The following VAT1L variants were observed in gnomAD, a reference collection of about 807,000 sequenced individuals.
VAT1L encodes the protein vesicle amine transport 1 like.
A neutral mutation model predicts 44.1 loss-of-function variants in VAT1L; 34 were observed. The ratio of observed to expected loss-of-function variants is 0.77; its 90% CI spans 0.59 to 1.03. The LOEUF is 1.03. Ranked by LOEUF, VAT1L falls within the 50% of genes least tolerant of loss-of-function variation. VAT1L has a pLI of 0.00. For missense variants in VAT1L, 615 were observed against 538.8 expected (o/e 1.14, Z -1.40); for synonymous variants, 253 against 202.2 (o/e 1.25, Z -2.13).
At chr16:77,808,397 A>T (rs2016201774) in intron 1 of VAT1L, among the ~76,000 whole-genome samples, 1 of 152,160 alleles carries the variant, frequency 6.6e-6, no homozygotes, top group African/African-American at 2.4e-5. Flanking sequence ...ATTTCATTAT[A>T]TATTACAATG....
chr16:77,889,564 A>G (rs1210406839), intron 7 of VAT1L, among the ~76,000 whole-genome samples: 1 of 152,216 alleles, frequency 6.6e-6, no homozygotes, highest in African/African-American at 2.4e-5. Flanking sequence ...TTTGTCAACC[A>G]AGCAGCAGTA....
At chr16:77,875,336 C>T (rs1039570214) in intron 4 of VAT1L, among the ~76,000 whole-genome samples, 1 of 152,228 alleles carries the variant, frequency 6.6e-6, no homozygotes, top group African/African-American at 2.4e-5. Flanking sequence ...CAGCTGTTAA[C>T]ACATGCTGCA....
At chr16:77,801,639 A>G (rs1018764380) in intron 1 of VAT1L, 3 of 150,462 alleles carry the variant, frequency 2.0e-5, no homozygotes, top group African/African-American at 7.4e-5. Flanking sequence ...CACTCTTCAT[A>G]CTCCTACCCC....
chr16:77,872,349 C>T (rs958284892), intron 4 of VAT1L, among the ~76,000 whole-genome samples: 3 of 152,126 alleles, frequency 2.0e-5, no homozygotes, highest in African/African-American at 7.2e-5. Context: ...TGTCCCAAAG[C>T]CTTCTCACTG....
At chr16:77,842,134 GC>G (rs1423840617) in intron 3 of VAT1L, among the ~76,000 whole-genome samples, 9 of 152,176 alleles carry the variant, frequency 5.9e-5, no homozygotes, top group Admixed American at 2.6e-4. Context: ...TGATCTGCCT[GC>G]CTTGGCCTCC....
At chr16:77,921,332 G>T (rs1212620265) in intron 7 of VAT1L, among the ~76,000 whole-genome samples, 1 of 152,144 alleles carries the variant, frequency 6.6e-6, no homozygotes, top group Admixed American at 6.5e-5. Context: ...GCACTGAGAC[G>T]TGTTGCATTA....
intron 7 of VAT1L, 128 bp from the exon 8 acceptor site, chr16:77,971,722 C>G: frequency 2.2e-6 from 2 of 911,354 alleles, no homozygotes; most frequent in South Asian, 3.4e-5. Context: ...ACAGCAACCT[C>G]TTAGCCACTA....
chr16:77,912,827 T>A (rs531527385), intron 7 of VAT1L, among the ~76,000 whole-genome samples: 1 of 152,242 alleles, frequency 6.6e-6, no homozygotes, highest in Non-Finnish European at 1.5e-5. Context: ...ACTAGCAGAT[T>A]TTGTGCTTGG....
In VAT1L at chr16:77,978,862, A is replaced by G. The variant is rs541257834; in HGVS notation, c.*1167A>G. On this transcript the variant is annotated 3_prime_UTR_variant, in exon 9 of 9. Transcript: ENST00000302536. ...TCCTAAGGAACCCCACCCCCATGCA[A>G]TTTGACTGTGCTTGAGAGGTGAATA... 2 of 152,336 alleles carry G rather than the reference A, an allele frequency of 1.3e-5. No homozygotes were observed. Among genetic ancestry groups the G allele is most frequent in the Admixed American group, 1.3e-4 (2 of 15,294 alleles). 9.4% of individuals were successfully genotyped at this position (152,336 alleles called of 1,614,324 possible). A position where few individuals can be genotyped will look rare whatever the true frequency, so the allele number is the denominator to read the frequency against.
chr16:77,963,460 GC>G (rs2018186376), intron 7 of VAT1L, among the ~76,000 whole-genome samples: 1 of 152,140 alleles, frequency 6.6e-6, no homozygotes, highest in Admixed American at 6.5e-5. Flanking sequence ...AAGGAATGCA[GC>G]CCTGCCGGAG....
intron 3 of VAT1L, among the ~76,000 whole-genome samples, chr16:77,835,414 G>A (rs1890212774): frequency 6.6e-6 from 1 of 152,092 alleles, no homozygotes; most frequent in African/African-American, 2.4e-5. Flanking sequence ...GGCCCCTGTG[G>A]CTGTCCCAGC....
chr16:77,955,730 A>G (rs868628312), intron 7 of VAT1L, among the ~76,000 whole-genome samples: 1 of 53,670 alleles, frequency 1.9e-5, no homozygotes, highest in Non-Finnish European at 4.1e-5. Flanking sequence ...CCCCCCCCCC[A>G]AAAAAAAAAA....
In VAT1L at chr16:77,955,729, C is replaced by CCAAA. The variant is rs375265679; in HGVS notation, c.1078-16121_1078-16120insCAAA. ...GACAGAGGCTCCATATCCCCCCCCC[C>CCAAA]AAAAAAAAAAAAAGAGAGAGAATGG... On this transcript the variant is annotated intron_variant, in intron 7 of 8. Coordinates refer to ENST00000302536, the MANE Select transcript of VAT1L (RefSeq NM_020927.3). Among the ~76,000 whole-genome samples the CCAAA allele has an allele frequency of 3.6e-5, 5 of 137,940 alleles. 1 individual carries two copies. The highest frequency in any genetic ancestry group is 4.8e-4 in the South Asian group (2 of 4,126). 90.5% of individuals were successfully genotyped at this position (137,940 alleles called of 152,430 possible).
intron 7 of VAT1L, among the ~76,000 whole-genome samples, chr16:77,932,264 T>C (rs1567512526): frequency 2.0e-5 from 3 of 151,922 alleles, no homozygotes; most frequent in Admixed American, 6.6e-5. Context: ...CCACCACAGC[T>C]GGCTAATTTT....
At chr16:77,918,771 C>T (rs2017578842) in intron 7 of VAT1L, among the ~76,000 whole-genome samples, 1 of 152,150 alleles carries the variant, frequency 6.6e-6, no homozygotes, top group Non-Finnish European at 1.5e-5. Context: ...TTTTTCTCCT[C>T]CTTCCAACTC....
chr16:77,927,990 A>C (rs1190442128), intron 7 of VAT1L, among the ~76,000 whole-genome samples: 1 of 152,208 alleles, frequency 6.6e-6, no homozygotes, highest in Non-Finnish European at 1.5e-5. Flanking sequence ...TTTGACCTCT[A>C]ATTCAATCCT....
At chr16:77,878,946 C>T (rs3751766) in intron 5 of VAT1L, among the ~76,000 whole-genome samples, 11,254 of 152,202 alleles carry the variant, frequency 0.074, 494 homozygotes, top group East Asian at 0.2. Flanking sequence ...AGTAATAAGA[C>T]GGTCATCATG....
chr16:77,830,657 A>G (rs922400642), intron 3 of VAT1L, among the ~76,000 whole-genome samples: 1 of 152,150 alleles, frequency 6.6e-6, no homozygotes, highest in Non-Finnish European at 1.5e-5. Context: ...CCTCCCAGCC[A>G]TGTGGAACTG....
chr16:77,823,937 C>T (rs548152685), intron 2 of VAT1L, among the ~76,000 whole-genome samples: 3 of 152,106 alleles, frequency 2.0e-5, no homozygotes, highest in African/African-American at 4.8e-5. Context: ...ACAGGACAAT[C>T]GCTTGTACCT....
Sources: gnomAD v4.1 joint callset for allele counts (sites outside exome capture counted in the v4.1 genomes callset) on GRCh38, gnomAD v4.1.1 for gene constraint, MANE v1.5 for transcripts, NCBI Gene and HGNC (gene_info 2026-07-23, HGNC 2026-07-21) for gene names.